The following CORIN variants were observed in gnomAD, a reference collection of about 807,000 sequenced individuals.
CORIN encodes atrial natriuretic peptide-converting enzyme.
A neutral mutation model predicts 125.3 loss-of-function variants in CORIN; 117 were observed. The ratio of observed to expected loss-of-function variants is 0.93; its 90% confidence interval spans 0.80 to 1.09. The LOEUF (loss-of-function observed/expected upper bound fraction) is 1.09. Among genes scored for constraint, CORIN ranks in the 50% least tolerant of loss-of-function variants. CORIN has a pLI of 0.00. For missense variants in CORIN, 1,253 were observed against 1,306.7 expected (o/e 0.96, Z 0.63); for synonymous variants, 450 against 466.4 (o/e 0.96, Z 0.45).
intron 19 of CORIN, among the ~76,000 whole-genome samples, chr4:47,619,418 A>T (rs549097438): frequency 2.8e-4 from 43 of 152,328 alleles, no homozygotes; most frequent in Non-Finnish European, 5.3e-4. Flanking sequence ...TCCAAAAGGG[A>T]GTATGGCATA....
At chr4:47,772,340 C>T (rs924084044) in intron 3 of CORIN, among the ~76,000 whole-genome samples, 4 of 152,136 alleles carry the variant, frequency 2.6e-5, no homozygotes, top group African/African-American at 9.7e-5. Flanking sequence ...AATATTGAGG[C>T]GCCATTGGCG....
chr4:47,759,263 A>G (rs1037778952), intron 4 of CORIN, among the ~76,000 whole-genome samples: 13 of 152,334 alleles, frequency 8.5e-5, no homozygotes, highest in South Asian at 4.1e-4. Flanking sequence ...GGCCCAAACT[A>G]TGAAACTACT....
rs1384397480 is a variant in CORIN at position 47,706,886 on chromosome 4, C to CA, written c.800-13804_800-13803insT. ...GCTGACATCTGCAGGCCGAAAGAGC[C>CA]GTGGCCTTGGAAAGGGCCATAAGTT... is the stretch of plus-strand genomic sequence containing the variant. On this transcript the variant is annotated intron_variant, in intron 5 of 21. Transcript: ENST00000273857. The CA allele has an allele frequency of 3.1e-6, 5 of 1,599,056 alleles. No homozygotes were observed. In the African/African-American group the frequency reaches 5.3e-5, roughly 17 times the overall value.
intron 5 of CORIN, among the ~76,000 whole-genome samples, chr4:47,720,896 AG>A (rs1727312999): frequency 6.6e-6 from 1 of 152,230 alleles, no homozygotes; most frequent in Admixed American, 6.5e-5. Flanking sequence ...AAAGGGGTTC[AG>A]ATCACAGCTC....
chr4:47,677,911 T>C (rs2271036), intron 9 of CORIN, 27 bp downstream of exon 9: 391,325 of 1,466,778 alleles, frequency 0.27, 57,637 homozygotes, highest in East Asian at 0.62. Flanking sequence ...AGTAAAGGAA[T>C]GTTCTGGGGT....
chr4:47,632,770 T>TAGATAGATGATAGATAG (rs1560481534), intron 16 of CORIN, among the ~76,000 whole-genome samples: 2 of 111,408 alleles, frequency 1.8e-5, no homozygotes, highest in East Asian at 3.5e-4. Context: ...TAGATAGAGA[T>TAGATAGATGATAGATAG]AGATAGTTAG....
intron 5 of CORIN, among the ~76,000 whole-genome samples, chr4:47,735,336 T>C (rs1162372527): frequency 6.6e-6 from 1 of 152,196 alleles, no homozygotes; most frequent in Non-Finnish European, 1.5e-5. Context: ...AGGTAAATAT[T>C]ACATCAAACA....
At chr4:47,685,739 A>G (rs1725481353) in intron 6 of CORIN, among the ~76,000 whole-genome samples, 1 of 152,044 alleles carries the variant, frequency 6.6e-6, no homozygotes, top group Non-Finnish European at 1.5e-5. Context: ...GTATATTTTT[A>G]TTTCCCTTAT....
chr4:47,764,844 AC>A (rs1158237538), intron 3 of CORIN, among the ~76,000 whole-genome samples: 3 of 152,074 alleles, frequency 2.0e-5, no homozygotes, highest in African/African-American at 7.2e-5. Context: ...TTTTGACCAC[AC>A]CTTTTTATCA....
intron 16 of CORIN, among the ~76,000 whole-genome samples, chr4:47,627,293 A>T (rs1016889544): frequency 3.9e-5 from 6 of 152,168 alleles, no homozygotes; most frequent in African/African-American, 1.4e-4. Flanking sequence ...TCATCTGATT[A>T]TTATTTTTAA....
At chr4:47,617,180 G>A (rs529511401) in intron 19 of CORIN, among the ~76,000 whole-genome samples, 1 of 152,344 alleles carries the variant, frequency 6.6e-6, no homozygotes, top group East Asian at 1.9e-4. Flanking sequence ...GAGTAGAAAA[G>A]TGACTTTACT....
chr4:47,821,502 CTGAA>C (rs1485400951), intron 1 of CORIN, among the ~76,000 whole-genome samples: 5 of 151,574 alleles, frequency 3.3e-5, no homozygotes, highest in Admixed American at 6.6e-5. Context: ...AAAAAACTGT[CTGAA>C]TGTTTAATAT....
chr4:47,612,043 C>G (rs1721889969), intron 19 of CORIN, among the ~76,000 whole-genome samples: 1 of 152,052 alleles, frequency 6.6e-6, no homozygotes, highest in East Asian at 1.9e-4. Flanking sequence ...TGTGTTTCTG[C>G]CACGTTTTGG....
chr4:47,837,927 G>A lies in CORIN; in HGVS notation c.23C>T (p.Ala8Val), dbSNP rs145367799. MKQSPALAPEERCRRAGS... is the reference protein window; with the variant it reads MKQSPALVPEERCRRAGS... ...GGCTCTGCGGCAGCGCTCTTCCGGA[G>A]CGAGGGCAGGAGACTGTTTCATGGA... Residue 8 changes from alanine (A) to valine (V), a missense_variant, in exon 1 of 22, where the codon GCT becomes GTT. Ala to Val is a moderately conservative substitution (Grantham distance 64). Coordinates refer to ENST00000273857, the MANE Select transcript of CORIN (RefSeq NM_006587.4). The A allele has an allele frequency of 6.8e-5, 110 of 1,613,512 alleles. No individual in the cohort carries two copies. The highest frequency in any genetic ancestry group is 1.8e-4 in the Admixed American group (11 of 60,012).
chr4:47,703,828 A>AT lies in CORIN; in HGVS notation c.800-10746dup, dbSNP rs530636416. On this transcript the variant is annotated intron_variant, in intron 5 of 21. Transcript: ENST00000273857. Reference sequence around the variant, plus strand: ...TAACCCCCAAACTTATGGATATAGCATATCTACTTAGACTTGGAAGGTAGG... The same window carrying AT: ...TAACCCCCAAACTTATGGATATAGCATTATCTACTTAGACTTGGAAGGTAGG... 1.1e-4 allele frequency among the ~76,000 whole-genome samples: 17 copies of AT among 152,340 alleles called. No individual in the cohort carries two copies. In the East Asian group the frequency reaches 2.9e-3, roughly 26 times the overall value.
intron 1 of CORIN, among the ~76,000 whole-genome samples, chr4:47,809,396 C>CTTTTTTTT (rs374248975): frequency 1.9e-5 from 2 of 107,368 alleles, no homozygotes; most frequent in Non-Finnish European, 3.6e-5. Flanking sequence ...GAATTGATTG[C>CTTTTTTTT]TTTTTTTTTT....
At chr4:47,766,379 A>T (rs1164423285) in intron 3 of CORIN, among the ~76,000 whole-genome samples, 1 of 152,132 alleles carries the variant, frequency 6.6e-6, no homozygotes, top group Non-Finnish European at 1.5e-5. Flanking sequence ...AAGGGTGGAG[A>T]AGTAGTAAAG....
At chr4:47,626,173 C>T (rs1018337134) in intron 17 of CORIN, among the ~76,000 whole-genome samples, 3 of 152,090 alleles carry the variant, frequency 2.0e-5, no homozygotes, top group Non-Finnish European at 4.4e-5. Flanking sequence ...TTCCTCTCTC[C>T]TCGCCATGAT....
At chr4:47,657,821 C>A (rs1446463847) in intron 12 of CORIN, among the ~76,000 whole-genome samples, 1 of 152,020 alleles carries the variant, frequency 6.6e-6, no homozygotes, top group Non-Finnish European at 1.5e-5. Flanking sequence ...AGGATCTGCC[C>A]CCATAATCCA....
Sources: allele counts gnomAD v4.1 joint callset (sites outside exome capture counted in the v4.1 genomes callset), GRCh38; gene constraint gnomAD v4.1.1; transcripts MANE v1.5; gene names NCBI Gene and HGNC (gene_info 2026-07-23, HGNC 2026-07-21).